Variants in NKAIN2 observed in about 807,000 individuals in gnomAD.
NKAIN2 encodes the protein sodium/potassium transporting ATPase interacting 2, also known as sodium/potassium-transporting ATPase subunit beta-1-interacting protein 2.
A neutral mutation model predicts 32.6 loss-of-function variants in NKAIN2; 14 were observed. The ratio of observed to expected loss-of-function variants is 0.43; its 90% CI spans 0.28 to 0.67. NKAIN2 has a LOEUF of 0.67. Among genes scored for constraint, NKAIN2 ranks in the 30% least tolerant of loss-of-function variants. The probability of loss-of-function intolerance (pLI) is 0.17; values close to 1 mark genes in which losing one functional copy is unlikely to be tolerated. For missense variants in NKAIN2, 198 were observed against 258.3 expected (o/e 0.77, Z 1.60); for synonymous variants, 80 against 87.2 (o/e 0.92, Z 0.46).
At chr6:124,374,239 G>T (rs1799888297) in intron 3 of NKAIN2, among the ~76,000 whole-genome samples, 2 of 151,858 alleles carry the variant, frequency 1.3e-5, no homozygotes, top group Non-Finnish European at 2.9e-5. Flanking sequence ...TCTTTTAATT[G>T]CTTCAATGTG....
intron 4 of NKAIN2, among the ~76,000 whole-genome samples, chr6:124,779,797 C>T (rs947469757): frequency 7.2e-5 from 11 of 152,110 alleles, no homozygotes; most frequent in African/African-American, 1.9e-4. Context: ...AGATGATTCA[C>T]AGTCAACCAT....
chr6:123,931,378 G>A (rs960987211), intron 1 of NKAIN2, among the ~76,000 whole-genome samples: 1 of 152,040 alleles, frequency 6.6e-6, no homozygotes, highest in African/African-American at 2.4e-5. Flanking sequence ...ACTGAAAAAT[G>A]TATGTGGTAC....
At chr6:124,426,318 T>TA (rs1240635371) in intron 3 of NKAIN2, among the ~76,000 whole-genome samples, 6 of 152,120 alleles carry the variant, frequency 3.9e-5, no homozygotes, top group Non-Finnish European at 7.4e-5. Context: ...GATCCACACT[T>TA]AAAAAATGAT....
intron 3 of NKAIN2, among the ~76,000 whole-genome samples, chr6:124,361,775 A>G (rs1368886544): frequency 6.6e-6 from 1 of 152,134 alleles, no homozygotes; most frequent in Non-Finnish European, 1.5e-5. Context: ...AGGAGATAAA[A>G]GTTGTCATAT....
intron 1 of NKAIN2, among the ~76,000 whole-genome samples, chr6:123,999,038 T>C (rs997530650): frequency 2.6e-5 from 4 of 152,058 alleles, no homozygotes; most frequent in South Asian, 2.1e-4. Flanking sequence ...GCTACTAAAG[T>C]AAATAGTTCA....
intron 1 of NKAIN2, among the ~76,000 whole-genome samples, chr6:124,077,773 A>AT (rs1288760863): frequency 1.0e-4 from 15 of 146,278 alleles, no homozygotes; most frequent in Non-Finnish European, 1.7e-4. Flanking sequence ...TTTTTTTTTT[A>AT]TTTTTTGTGG....
chr6:123,887,547 C>T (rs1773784588), intron 1 of NKAIN2, among the ~76,000 whole-genome samples: 1 of 152,134 alleles, frequency 6.6e-6, no homozygotes, highest in South Asian at 2.1e-4. Context: ...ACCTTCAATT[C>T]TTGGTACCTT....
In NKAIN2 at chr6:124,353,567, A is replaced by G. The variant is rs1798828631; in HGVS notation, c.193-1700A>G. 2.6e-5 allele frequency among the ~76,000 whole-genome samples: 4 copies of G among 152,256 alleles called. No individual in the cohort carries two copies. The South Asian group carries it at 6.2e-4, about 24-fold the overall frequency. On this transcript the variant is annotated intron_variant, in intron 2 of 6. Transcript: ENST00000368417. The stretch of plus-strand genomic sequence containing the variant: ...CAGGAGATCGAGACCATCCTGGCTA[A>G]CACGGTGAAACCCCGTCTCTACTAA...
intron 3 of NKAIN2, among the ~76,000 whole-genome samples, chr6:124,366,834 G>C (rs560918506): frequency 1.3e-5 from 2 of 151,854 alleles, no homozygotes; most frequent in South Asian, 4.1e-4. Flanking sequence ...AGGCTGAGGT[G>C]GGAGGATCAC....
chr6:124,301,033 A>G (rs1411760262), intron 2 of NKAIN2, among the ~76,000 whole-genome samples: 1 of 152,172 alleles, frequency 6.6e-6, no homozygotes, highest in Non-Finnish European at 1.5e-5. Flanking sequence ...AGGGCATGTC[A>G]GAGAACTTTG....
At chr6:124,092,352 A>G (rs1252975140) in intron 1 of NKAIN2, among the ~76,000 whole-genome samples, 1 of 152,120 alleles carries the variant, frequency 6.6e-6, no homozygotes, top group Non-Finnish European at 1.5e-5. Context: ...TCTAATGAGA[A>G]CCAGCAGAGA....
intron 2 of NKAIN2, among the ~76,000 whole-genome samples, chr6:124,340,258 AT>A (rs981803973): frequency 6.6e-6 from 1 of 152,192 alleles, no homozygotes; most frequent in Non-Finnish European, 1.5e-5. Flanking sequence ...ATTATTCATC[AT>A]TTTGAGATCT....
At chr6:124,222,265 A>T (rs1382297321) in intron 1 of NKAIN2, among the ~76,000 whole-genome samples, 2 of 152,224 alleles carry the variant, frequency 1.3e-5, no homozygotes, top group Non-Finnish European at 2.9e-5. Context: ...GCCCTCACAG[A>T]GATTACACTG....
At chr6:124,330,363 T>G (rs1272656858) in intron 2 of NKAIN2, among the ~76,000 whole-genome samples, 1 of 152,090 alleles carries the variant, frequency 6.6e-6, no homozygotes, top group African/African-American at 2.4e-5. Flanking sequence ...ACAATTGTAA[T>G]GGAATGAGAG....
At chr6:124,812,058 G>A (rs1249051280) in intron 5 of NKAIN2, among the ~76,000 whole-genome samples, 2 of 152,100 alleles carry the variant, frequency 1.3e-5, no homozygotes, top group Non-Finnish European at 2.9e-5. Flanking sequence ...GGTAACACTC[G>A]ATAGCATTCA....
chr6:124,524,974 T>C (rs1414639176), intron 3 of NKAIN2, among the ~76,000 whole-genome samples: 4 of 152,142 alleles, frequency 2.6e-5, no homozygotes, highest in African/African-American at 4.8e-5. Context: ...CAGGGAAGAT[T>C]CCTCAGCATG....
intron 2 of NKAIN2, among the ~76,000 whole-genome samples, chr6:124,302,588 A>G (rs1796332880): frequency 6.6e-6 from 1 of 152,164 alleles, no homozygotes; most frequent in Non-Finnish European, 1.5e-5. Flanking sequence ...TTTGCATATT[A>G]AGTTTCTTAT....
intron 1 of NKAIN2, among the ~76,000 whole-genome samples, chr6:123,831,855 C>T (rs1774397366): frequency 6.6e-6 from 1 of 151,968 alleles, no homozygotes; most frequent in African/African-American, 2.4e-5. Context: ...GGGGTTTCAC[C>T]GTGTTAGCCA....
intron 1 of NKAIN2, among the ~76,000 whole-genome samples, chr6:124,280,226 A>C (rs1336758445): frequency 1.3e-5 from 2 of 152,180 alleles, no homozygotes; most frequent in East Asian, 1.9e-4. Context: ...GGGTTAAAAG[A>C]GGGAAAAACT....
Sources: gnomAD v4.1 joint callset for allele counts (sites outside exome capture counted in the v4.1 genomes callset) on GRCh38, gnomAD v4.1.1 for gene constraint, MANE v1.5 for transcripts, NCBI Gene and HGNC (gene_info 2026-07-23, HGNC 2026-07-21) for gene names.